Variants in EMC1 observed in about 807,000 individuals in gnomAD.
The protein encoded by EMC1 is KIAA0090.
A neutral mutation model predicts 128.8 loss-of-function variants in EMC1; 103 were observed. The ratio of observed to expected loss-of-function variants is 0.80; its 90% CI spans 0.68 to 0.94. EMC1 has a LOEUF of 0.94. Among genes scored for constraint, EMC1 ranks in the 40% least tolerant of loss-of-function variants. The probability of loss-of-function intolerance (pLI) is 0.00; values close to 1 mark genes in which losing one functional copy is unlikely to be tolerated. For missense variants in EMC1, 1,083 were observed against 1,250.6 expected (o/e 0.87, Z 2.02); for synonymous variants, 442 against 490.4 (o/e 0.90, Z 1.30).
At chr1:19,219,939 G>GA in intron 21 of EMC1, 1 of 499,168 alleles carries the variant, frequency 2.0e-6, no homozygotes, top group Non-Finnish European at 3.6e-6. Context: ...AATCTGAAAA[G>GA]AAAGAACATA....
intron 1 of EMC1, among the ~76,000 whole-genome samples, chr1:19,249,093 A>G (rs920172948): frequency 2.6e-5 from 4 of 152,192 alleles, no homozygotes; most frequent in African/African-American, 9.6e-5. Flanking sequence ...AAGTATTATT[A>G]CAAAAGTCAA....
In EMC1 at chr1:19,239,791, C is replaced by G. The variant is rs774815224; in HGVS notation, c.954+27G>C. 1.9e-6 allele frequency: 3 copies of G among 1,611,140 alleles called. No homozygotes were observed. The Admixed American group carries it at 5.1e-5, about 27-fold the overall frequency. ...ATGTCTTGGAGAGATCTCCTGAATC[C>G]TAGCAAACCATGTTGCCTGCAGTTA... On this transcript the variant is annotated intron_variant, in intron 8 of 22. Coordinates refer to ENST00000477853, the MANE Select transcript of EMC1 (RefSeq NM_015047.3).
At chr1:19,245,314 G>T (rs1469034797) in intron 1 of EMC1, among the ~76,000 whole-genome samples, 1 of 152,118 alleles carries the variant, frequency 6.6e-6, no homozygotes, top group Non-Finnish European at 1.5e-5. Context: ...GGTGGCGCAT[G>T]CCTGTAATCC....
rs777738593 is a variant in EMC1 at position 19,233,152 on chromosome 1, G to A, written c.1433-17C>T. The A allele has an allele frequency of 6.2e-7, 1 of 1,607,606 alleles. No individual in the cohort carries two copies. Among genetic ancestry groups the A allele is most frequent in the South Asian group, 1.1e-5 (1 of 90,556 alleles). Reference sequence around the variant, plus strand: ...GCAAGCCATCTGGTGTAAAGGAAAAGTAACATACTCTACATCAGACTAGGG... The same window carrying A: ...GCAAGCCATCTGGTGTAAAGGAAAAATAACATACTCTACATCAGACTAGGG... On this transcript the variant is annotated splice_polypyrimidine_tract_variant and intron_variant, in intron 13 of 22. Transcript: ENST00000477853.
Position 19,223,532 on chromosome 1 carries a change from C to T in EMC1, c.2240G>A (p.Ser747Asn), listed in dbSNP as rs1298743811. The change falls in exon 19 of 23, where the codon AGC becomes AAC. Residue 747 changes from serine to asparagine, a missense_variant. Physicochemically the swap from Ser to Asn is conservative, Grantham distance 46 (BLOSUM62 1). Transcript: ENST00000477853. ...NPNLLAVVTESTDAHHERTFI... is the reference protein window; with the variant it reads ...NPNLLAVVTENTDAHHERTFI... ...GGTGCGCTCATGGTGCGCGTCTGTG[C>T]TCTCTGTCACCACGGCCAGCAGGTT... is the stretch of plus-strand genomic sequence containing the variant. 1.2e-6 allele frequency: 2 copies of T among 1,614,132 alleles called. No individual in the cohort carries two copies. Among genetic ancestry groups the T allele is most frequent in the Admixed American group, 1.7e-5 (1 of 60,026 alleles).
intron 1 of EMC1, 130 bp downstream of exon 1, chr1:19,251,282 CCCA>C: frequency 1.2e-6 from 1 of 803,030 alleles, no homozygotes; most frequent in South Asian, 1.7e-5. Context: ...AACAAGGGGC[CCCA>C]CGTTTTCATT....
rs149861361 is a variant in EMC1 at position 19,230,854 on chromosome 1, C to T, written c.2054G>A (p.Arg685Gln). 2.5e-4 allele frequency: 410 copies of T among 1,614,114 alleles called. 7 individuals are homozygous for T. In the East Asian group the frequency reaches 7.3e-3, roughly 29 times the overall value. ...DAEQGRLCGYRLRKDLTTELS... is the reference protein window; with the variant it reads ...DAEQGRLCGYQLRKDLTTELS... ...GACATGCCTTCCTACCTTTCGAAGC[C>T]GATATCCACACAGCCGTCCCTGCTC... The change falls in exon 17 of 23, where the codon CGG becomes CAG. Residue 685 changes from arginine to glutamine, a missense_variant. By Grantham distance (43) the Arg-to-Gln change is conservative. Around this residue, in one of 3 missense-constraint regions of EMC1, gnomAD observed 527 missense variants for 644.1 expected, o/e 0.82. Coordinates refer to ENST00000477853, the MANE Select transcript of EMC1 (RefSeq NM_015047.3).
chr1:19,250,218 CAAAAAAAAAAAAAAAAA>C (rs55743743), intron 1 of EMC1, among the ~76,000 whole-genome samples: 1 of 48,226 alleles, frequency 2.1e-5, no homozygotes, highest in Non-Finnish European at 3.3e-5. Flanking sequence ...AAAACTGTCT[CAAAAAAAAAAAAAAAAA>C]AAAAAAAAAA....
chr1:19,240,878 C>A, intron 6 of EMC1, 138 bp downstream of exon 6: 1 of 977,298 alleles, frequency 1.0e-6, no homozygotes, highest in Non-Finnish European at 1.5e-6. Context: ...GGGAAGGCAG[C>A]TGGCAAGTGA....
rs757555501 is a variant in EMC1, at chr1:19,235,202, ACAC to A, written c.1357_1359del (p.Val453del). On this transcript the variant is annotated inframe_deletion, in exon 13 of 23. Transcript: ENST00000477853. ...AGGGGGAGGTCCACCATCTCTAGGCACACCACTTCTGCCAGGGACTCCTCACGG... is the reference window on the plus strand; with the variant it reads ...AGGGGGAGGTCCACCATCTCTAGGCACACTTCTGCCAGGGACTCCTCACGG... The A allele has an allele frequency of 6.2e-6, 10 of 1,613,922 alleles. No homozygotes were observed. The highest frequency in any genetic ancestry group is 1.7e-6 in the Non-Finnish European group (2 of 1,179,914).
rs1335020508 is a variant in EMC1 at position 19,231,196 on chromosome 1, G to A, written c.1944+65C>T. 2.0e-6 allele frequency: 3 copies of A among 1,524,268 alleles called. No individual in the cohort carries two copies. The African/African-American group carries it at 4.2e-5, about 21-fold the overall frequency. The allele number at this position is 1,524,268 out of a possible 1,614,324, so 94.4% of individuals were successfully genotyped here. On this transcript the variant is annotated intron_variant, in intron 16 of 22. Coordinates refer to ENST00000477853, the MANE Select transcript of EMC1 (RefSeq NM_015047.3). ...GAGCACTCCATCTCCGGGCCGCTGT[G>A]TTTGACCACCTGGCCCCAAACCGGA...
intron 1 of EMC1, among the ~76,000 whole-genome samples, chr1:19,246,048 T>G (rs1018530117): frequency 6.6e-6 from 1 of 151,012 alleles, no homozygotes; most frequent in Admixed American, 6.6e-5. Flanking sequence ...GAGGCTGCAG[T>G]GAGCCGAGAT....
At position 19,219,445 on chromosome 1, in the gene EMC1, A is replaced by T. The variant is rs758659439; in HGVS notation, c.2840T>A (p.Val947Asp). ...AYGLDIYQTR[V>D]YPSKQFDVLK... Reference sequence around the variant, plus strand: ...AACGTCAAACTGCTTGGATGGGTAGACTCGAGTTTGGTAAATGTCCAAACC... The same window carrying T: ...AACGTCAAACTGCTTGGATGGGTAGTCTCGAGTTTGGTAAATGTCCAAACC... The change falls in exon 23 of 23, where the codon GTC (valine) becomes GAC (aspartate). Residue 947 changes from valine (V) to aspartate (D), a missense_variant. Val to Asp is a radical substitution (Grantham distance 152). Coordinates refer to ENST00000477853, the MANE Select transcript of EMC1 (RefSeq NM_015047.3). 5 of 1,613,772 alleles carry T rather than the reference A, an allele frequency of 3.1e-6. No homozygotes were observed. In the Admixed American group the frequency reaches 8.3e-5, roughly 27 times the overall value.
At chr1:19,243,567 G>T in intron 4 of EMC1, 47 bp downstream of exon 4, 3 of 1,522,564 alleles carry the variant, frequency 2.0e-6, no homozygotes, top group Non-Finnish European at 1.8e-6. Context: ...TCTGTGTTCC[G>T]GTGAAGCCTT....
At chr1:19,236,788 G>A (rs1242453184) in intron 12 of EMC1, among the ~76,000 whole-genome samples, 1 of 151,208 alleles carries the variant, frequency 6.6e-6, no homozygotes, top group African/African-American at 2.4e-5. Context: ...GCCAACATGG[G>A]GAAACCCTGT....
Position 19,223,571 on chromosome 1 carries a change from T to C in EMC1, c.2203-2A>G, listed in dbSNP as rs753133368. On this transcript the variant is annotated splice_acceptor_variant, in intron 18 of 22. Transcript: ENST00000477853. LOFTEE classifies it high-confidence loss of function. ...GGCCAGCAGGTTGGGGTTCAGGCTC[T>C]GGAGAGAGAGAGAAAACCTCCCTTA... 1 of 1,613,592 alleles carries C rather than the reference T, an allele frequency of 6.2e-7. No homozygotes were observed. Among genetic ancestry groups the C allele is most frequent in the Non-Finnish European group, 8.5e-7 (1 of 1,179,972 alleles).
chr1:19,230,755 A>G, intron 17 of EMC1, 89 bp downstream of exon 17: 1 of 1,484,366 alleles, frequency 6.7e-7, no homozygotes, highest in South Asian at 1.2e-5. Context: ...TTACAGTAGA[A>G]TGAGTAGCAT....
chr1:19,245,441 C>CA lies in EMC1; in HGVS notation c.96-412dup, dbSNP rs551134666. Among the ~76,000 whole-genome samples, 213 of 151,162 alleles carry CA rather than the reference C, an allele frequency of 1.4e-3. 1 individual carries two copies. Among genetic ancestry groups the CA allele is most frequent in the Middle Eastern group, 0.014 (4 of 294 alleles). On this transcript the variant is annotated intron_variant, in intron 1 of 22. Transcript: ENST00000477853. ...GGGCAACAAGAGCAAAACTCCATCT[C>CA]AAAAAAAAGAAGTGTTTGTTAGTGA... is the stretch of plus-strand genomic sequence containing the variant.
rs147106433 is a variant in EMC1, at chr1:19,242,399, G to A, written c.455C>T (p.Ala152Val). The A allele has an allele frequency of 1.9e-6, 3 of 1,614,002 alleles. No individual in the cohort carries two copies. Among genetic ancestry groups the A allele is most frequent in the African/African-American group, 2.7e-5 (2 of 74,912 alleles). Residue 152 changes from alanine (A) to valine (V), a missense_variant, in exon 5 of 23, where the codon GCC becomes GTC. Transcript: ENST00000477853. Reference sequence around the variant, plus strand: ...GTGCCCACTGGAGAGGTGATGGAGGGCAAGTGTAGTCTTCTTCAGGACTGC... The same window carrying A: ...GTGCCCACTGGAGAGGTGATGGAGGACAAGTGTAGTCTTCTTCAGGACTGC... Reference protein sequence around the residue: ...YIAVLKKTTLALHHLSSGHLK... With the variant: ...YIAVLKKTTLVLHHLSSGHLK...
Sources: gnomAD v4.1 joint callset for allele counts (sites outside exome capture counted in the v4.1 genomes callset) on GRCh38, gnomAD v4.1.1 for gene constraint, gnomAD v4.1.1 regional missense constraint, MANE v1.5 for transcripts, NCBI Gene and HGNC (gene_info 2026-07-23, HGNC 2026-07-21) for gene names.